The following PIGN variants were observed in gnomAD, a reference collection of about 807,000 sequenced individuals.
PIGN encodes the protein phosphatidylinositol glycan anchor biosynthesis class N.
PIGN carries 117 observed loss-of-function variants against 125.4 expected under a neutral mutation model. The ratio of observed to expected loss-of-function variants is 0.93; its 90% CI spans 0.80 to 1.09. The LOEUF (loss-of-function observed/expected upper bound fraction) is 1.09. PIGN is among the 50% of genes least tolerant of loss of function. The pLI, the probability that PIGN is intolerant of heterozygous loss-of-function variation, is 0.00. For missense variants in PIGN, 1,075 were observed against 1,094.9 expected (o/e 0.98, Z 0.26); for synonymous variants, 392 against 377.8 (o/e 1.04, Z -0.44).
chr18:62,053,302 A>T (rs2145186120), intron 30 of PIGN, among the ~76,000 whole-genome samples: 1 of 152,358 alleles, frequency 6.6e-6, no homozygotes, highest in Middle Eastern at 3.4e-3. Context: ...AAAGCCATAC[A>T]AAGAGATACA....
intron 1 of PIGN, among the ~76,000 whole-genome samples, chr18:62,182,940 G>A (rs983389100): frequency 6.6e-6 from 1 of 152,196 alleles, no homozygotes; most frequent in East Asian, 1.9e-4. Context: ...GGCTGGGGTA[G>A]TTCCACAGCG....
At chr18:62,086,271 A>T (rs1256545107) in intron 25 of PIGN, among the ~76,000 whole-genome samples, 1 of 152,228 alleles carries the variant, frequency 6.6e-6, no homozygotes, top group Non-Finnish European at 1.5e-5. Flanking sequence ...GACTTTATCG[A>T]AGGATATGGT....
chr18:62,034,617 CTTTAAGA>C (rs2030234179), intron 23 of PIGN, among the ~76,000 whole-genome samples: 1 of 152,164 alleles, frequency 6.6e-6, no homozygotes, highest in African/African-American at 2.4e-5. Flanking sequence ...TATTTTGAAG[CTTTAAGA>C]TTTAATTGCT....
At chr18:62,022,197 G>T (rs2077820039) in intron 23 of PIGN, among the ~76,000 whole-genome samples, 1 of 152,110 alleles carries the variant, frequency 6.6e-6, no homozygotes, top group Non-Finnish European at 1.5e-5. Context: ...AAGGTGGGGG[G>T]ATCATATACA....
chr18:62,047,242 C>T (rs573176847), intron 30 of PIGN, among the ~76,000 whole-genome samples: 9 of 152,320 alleles, frequency 5.9e-5, no homozygotes, highest in African/African-American at 1.2e-4. Context: ...TCTAACTCCC[C>T]GGCTATGCCC....
chr18:62,063,292 G>GGTTTTATAGATTTTAT (rs2032303818), intron 30 of PIGN, among the ~76,000 whole-genome samples: 9 of 33,398 alleles, frequency 2.7e-4, no homozygotes, highest in Admixed American at 7.4e-4. Context: ...ATAGATTTTA[G>GGTTTTATAGATTTTAT]CCAAAATCTA....
intron 23 of PIGN, among the ~76,000 whole-genome samples, chr18:62,019,289 T>G (rs2030023148): frequency 6.6e-6 from 1 of 152,272 alleles, no homozygotes; most frequent in African/African-American, 2.4e-5. Flanking sequence ...TGTAGTATTT[T>G]GGGAGGGCTA....
chr18:62,144,633 T>C (rs1172363261), intron 10 of PIGN, among the ~76,000 whole-genome samples: 1 of 152,200 alleles, frequency 6.6e-6, no homozygotes, highest in African/African-American at 2.4e-5. Flanking sequence ...TGTGAAAAGA[T>C]GTTCTATTAG....
At position 62,045,530 on chromosome 18, in the gene PIGN, G is replaced by A; in HGVS notation, c.*326C>T. The A allele has an allele frequency of 4.6e-6, 1 of 218,332 alleles. No individual in the cohort carries two copies. The highest frequency in any genetic ancestry group is 7.5e-5 in the South Asian group (1 of 13,388). 13.5% of individuals were successfully genotyped at this position (218,332 alleles called of 1,614,324 possible). A position where few individuals can be genotyped will look rare whatever the true frequency, so the allele number is the denominator to read the frequency against. On this transcript the variant is annotated 3_prime_UTR_variant, in exon 31 of 31. Coordinates refer to ENST00000640252, the MANE Select transcript of PIGN (RefSeq NM_176787.5). ...CATATGCTCTCCTCTGGGTATGTGG[G>A]AAGTTGTGCGACTGGGGACCAGATT...
chr18:62,163,272 A>G (rs1230042217), intron 2 of PIGN, among the ~76,000 whole-genome samples: 1 of 152,128 alleles, frequency 6.6e-6, no homozygotes, highest in East Asian at 1.9e-4. Context: ...GTCCCAACGA[A>G]AAAAGGACTA....
Position 62,026,020 on chromosome 18 carries a change from G to T in PIGN, c.2143-8279C>A, listed in dbSNP as rs1035835430. 4.6e-5 allele frequency among the ~76,000 whole-genome samples: 7 copies of T among 152,266 alleles called. No individual in the cohort carries two copies. The South Asian group carries it at 1.2e-3, about 27-fold the overall frequency. Reference sequence around the variant, plus strand: ...GAAATCTACCCAATCCCTGCACCTTGTCGGAAGTTATTGGTGTCCCTCCTG... The same window carrying T: ...GAAATCTACCCAATCCCTGCACCTTTTCGGAAGTTATTGGTGTCCCTCCTG... On this transcript the variant is annotated intron_variant, in intron 23 of 24. Transcript: ENST00000639600.
chr18:62,169,115 C>T (rs1333062740), intron 1 of PIGN, among the ~76,000 whole-genome samples: 1 of 152,016 alleles, frequency 6.6e-6, no homozygotes, highest in Admixed American at 6.6e-5. Flanking sequence ...CTTGGCCTCC[C>T]AAGTGCTGGA....
chr18:62,112,038 GCTAT>G (rs781570018), intron 16 of PIGN, among the ~76,000 whole-genome samples: 2 of 152,106 alleles, frequency 1.3e-5, no homozygotes, highest in Non-Finnish European at 2.9e-5. Context: ...TCCCTCACAT[GCTAT>G]CTGAGTGGCC....
At chr18:62,064,644 A>G (rs1023219761) in intron 30 of PIGN, among the ~76,000 whole-genome samples, 1 of 152,228 alleles carries the variant, frequency 6.6e-6, no homozygotes, top group African/African-American at 2.4e-5. Context: ...ATGAGACTCA[A>G]TGAGATAACA....
At chr18:62,122,986 G>T (rs2035365473) in intron 14 of PIGN, among the ~76,000 whole-genome samples, 1 of 152,106 alleles carries the variant, frequency 6.6e-6, no homozygotes, top group Non-Finnish European at 1.5e-5. Flanking sequence ...TAACAAAAAT[G>T]ACCATAATAG....
In PIGN at chr18:62,145,507, A is replaced by T. The variant is rs2147261945; in HGVS notation, c.922+402T>A. 2.0e-5 allele frequency among the ~76,000 whole-genome samples: 3 copies of T among 152,288 alleles called. No homozygotes were observed. In the Middle Eastern group the frequency reaches 0.01, roughly 518 times the overall value. On this transcript the variant is annotated intron_variant, in intron 10 of 30. Transcript: ENST00000640252. ...ATAGAAATATCTTGTAGGTAGGGTG[A>T]TTTTATAACTGACAGCATGTACTTT...
chr18:62,142,041 T>C (rs1009783200), intron 11 of PIGN, among the ~76,000 whole-genome samples: 4 of 152,194 alleles, frequency 2.6e-5, no homozygotes, highest in Non-Finnish European at 5.9e-5. Flanking sequence ...ATCATATACA[T>C]CCACTCTACA....
rs187033208 is a variant in PIGN at position 62,072,853 on chromosome 18, A to T, written c.2620-128T>A. 24 of 587,404 alleles carry T rather than the reference A, an allele frequency of 4.1e-5. No homozygotes were observed. The Admixed American group carries it at 8.1e-4, about 20-fold the overall frequency. 36.4% of individuals were successfully genotyped at this position (587,404 alleles called of 1,614,324 possible). ...AATCACTATCTGACTGTAATCAACA[A>T]GAATATGTCATTTACTGAAACTTTT... On this transcript the variant is annotated intron_variant, in intron 29 of 30. Transcript: ENST00000640252.
intron 20 of PIGN, among the ~76,000 whole-genome samples, chr18:62,103,432 G>A (rs1026714645): frequency 1.3e-5 from 2 of 151,172 alleles, no homozygotes; most frequent in Non-Finnish European, 2.9e-5. Context: ...CTGGCTGAGG[G>A]AAGGGGTAGG....
Sources: allele counts gnomAD v4.1 joint callset (sites outside exome capture counted in the v4.1 genomes callset), GRCh38; gene constraint gnomAD v4.1.1; transcripts MANE v1.5; gene names NCBI Gene and HGNC (gene_info 2026-07-23, HGNC 2026-07-21).